The following PABPC4L variants were observed in gnomAD, a reference collection of about 807,000 sequenced individuals.
PABPC4L encodes polyadenylate-binding protein 4-like.
For synonymous variants in PABPC4L, 169 were observed against 164.1 expected (o/e 1.03, Z -0.23); for missense variants, 452 against 451.4 (o/e 1.00, Z -0.01).
the PABPC4L span, among the ~76,000 whole-genome samples, chr4:133,972,413 C>A: frequency 6.6e-6 from 1 of 151,924 alleles, no homozygotes; most frequent in Non-Finnish European, 1.5e-5. Flanking sequence ...TCACACATAC[C>A]CCCCTGTTTT....
At chr4:134,007,347 A>C in the PABPC4L span, among the ~76,000 whole-genome samples, 1 of 151,820 alleles carries the variant, frequency 6.6e-6, no homozygotes, top group Non-Finnish European at 1.5e-5. Flanking sequence ...TTTTCAAAAA[A>C]AAAATGACAC....
At chr4:134,084,073 G>A in the PABPC4L span, among the ~76,000 whole-genome samples, 1 of 151,914 alleles carries the variant, frequency 6.6e-6, no homozygotes, top group Non-Finnish European at 1.5e-5. Flanking sequence ...TTTTGAGACA[G>A]GGTCTTGCTC....
chr4:134,161,148 T>TA, the PABPC4L span, among the ~76,000 whole-genome samples: 25 of 151,534 alleles, frequency 1.6e-4, no homozygotes, highest in East Asian at 3.9e-4. Flanking sequence ...TTAACAACCT[T>TA]AAAAATGCAT....
chr4:134,004,293 G>GA, the PABPC4L span, among the ~76,000 whole-genome samples: 16 of 151,402 alleles, frequency 1.1e-4, no homozygotes, highest in African/African-American at 2.2e-4. Context: ...AATTCAACAG[G>GA]AAAAAAAATA....
At chr4:134,136,756 A>G in the PABPC4L span, among the ~76,000 whole-genome samples, 2 of 152,048 alleles carry the variant, frequency 1.3e-5, no homozygotes, top group African/African-American at 4.8e-5. Flanking sequence ...CCACTGTGAC[A>G]GTGATTAGAT....
chr4:133,953,976 C>T, the PABPC4L span, among the ~76,000 whole-genome samples: 1 of 152,218 alleles, frequency 6.6e-6, no homozygotes, highest in South Asian at 2.1e-4. Flanking sequence ...TTGTTAAAGG[C>T]ACACTCACAA....
the PABPC4L span, among the ~76,000 whole-genome samples, chr4:134,006,421 A>G: frequency 6.6e-5 from 10 of 151,884 alleles, no homozygotes; most frequent in Admixed American, 2.0e-4. Flanking sequence ...GAAAATACCA[A>G]GTCCTTCTCC....
At chr4:134,044,857 G>T in the PABPC4L span, among the ~76,000 whole-genome samples, 1 of 152,090 alleles carries the variant, frequency 6.6e-6, no homozygotes, top group African/African-American at 2.4e-5. Context: ...GCAGTGTTAT[G>T]TTTCTAATAT....
At chr4:134,158,557 G>A in the PABPC4L span, among the ~76,000 whole-genome samples, 13 of 151,794 alleles carry the variant, frequency 8.6e-5, 1 homozygote, top group East Asian at 2.1e-3. Context: ...GTTTTCTTTG[G>A]CACAAAACAT....
At chr4:134,154,782 T>A in the PABPC4L span, among the ~76,000 whole-genome samples, 82 of 152,130 alleles carry the variant, frequency 5.4e-4, 1 homozygote, top group African/African-American at 1.9e-3. Context: ...AAAATTTTTT[T>A]AAATTTCTTA....
the PABPC4L span, among the ~76,000 whole-genome samples, chr4:134,163,748 T>C: frequency 6.6e-6 from 1 of 152,180 alleles, no homozygotes; most frequent in East Asian, 1.9e-4. Context: ...GAAAGTCATA[T>C]GATCATCTCA....
the PABPC4L span, among the ~76,000 whole-genome samples, chr4:134,028,408 A>G: frequency 2.7e-5 from 4 of 148,226 alleles, no homozygotes; most frequent in East Asian, 6.0e-4. Context: ...GCTCTCTCCA[A>G]AAGTCCATGG....
chr4:133,976,034 A>G, the PABPC4L span, among the ~76,000 whole-genome samples: 1 of 152,148 alleles, frequency 6.6e-6, no homozygotes, highest in East Asian at 1.9e-4. Context: ...TGTGTGCCAT[A>G]GTGGTTTGTT....
chr4:133,951,757 A>G, the PABPC4L span, among the ~76,000 whole-genome samples: 1 of 152,032 alleles, frequency 6.6e-6, no homozygotes, highest in East Asian at 1.9e-4. Flanking sequence ...GGGGACCATT[A>G]AGTTACTAGA....
the PABPC4L span, among the ~76,000 whole-genome samples, chr4:134,032,357 G>A: frequency 6.6e-6 from 1 of 151,740 alleles, no homozygotes; most frequent in Non-Finnish European, 1.5e-5. Flanking sequence ...ACTAACAAAA[G>A]CACAGTGAGG....
At chr4:134,011,780 C>T in the PABPC4L span, among the ~76,000 whole-genome samples, 5 of 152,128 alleles carry the variant, frequency 3.3e-5, no homozygotes, top group African/African-American at 1.2e-4. Flanking sequence ...TAGAAAAAGC[C>T]ATAAAATCTT....
the PABPC4L span, among the ~76,000 whole-genome samples, chr4:134,151,690 A>T: frequency 6.6e-6 from 1 of 152,046 alleles, no homozygotes; most frequent in East Asian, 1.9e-4. Context: ...TAAAGAGAAT[A>T]GAATTAACTA....
the PABPC4L span, chr4:134,010,749 C>T: frequency 6.6e-6 from 1 of 152,088 alleles, no homozygotes; most frequent in Non-Finnish European, 1.5e-5. Context: ...ATCTCTTCTA[C>T]CCACAGTCCT....
At chr4:134,145,154 C>T in the PABPC4L span, among the ~76,000 whole-genome samples, 1 of 151,766 alleles carries the variant, frequency 6.6e-6, no homozygotes. Context: ...TAATACTACA[C>T]TCTGGTGACT....
Sources: allele counts gnomAD v4.1 joint callset (sites outside exome capture counted in the v4.1 genomes callset), GRCh38; gene constraint gnomAD v4.1.1; transcripts MANE v1.5; gene names NCBI Gene and HGNC (gene_info 2026-07-23, HGNC 2026-07-21).